TPM1: variants seen among roughly 807,000 people sequenced by gnomAD.
The protein encoded by TPM1 is tropomyosin 1.
Under a neutral mutation model 42.9 loss-of-function variants are expected in TPM1, and 24 were observed. The ratio of observed to expected loss-of-function variants is 0.56; its 90% CI spans 0.41 to 0.79. TPM1 has a LOEUF of 0.79. Among genes scored for constraint, TPM1 ranks in the 30% least tolerant of loss-of-function variants. The pLI, the probability that TPM1 is intolerant of heterozygous loss-of-function variation, is 0.00. For synonymous variants in TPM1, 136 were observed against 130.1 expected (o/e 1.05, Z -0.31); for missense variants, 158 against 351.8 (o/e 0.45, Z 4.41).
At chr15:63,048,597 G>T (rs1182493579) in intron 2 of TPM1, 2 of 1,531,898 alleles carry the variant, frequency 1.3e-6, no homozygotes. Context: ...TAGCTCGCTG[G>T]AGGCGGTGCG....
chr15:63,045,112 T>C (rs896502493), intron 2 of TPM1: 1 of 152,152 alleles, frequency 6.6e-6, no homozygotes, highest in East Asian at 1.9e-4. Context: ...ATTCCAAGAA[T>C]GTGTGAGCAC....
intron 9 of TPM1, chr15:63,065,202 C>A: frequency 1.0e-6 from 1 of 986,086 alleles, no homozygotes; most frequent in South Asian, 4.7e-5. Context: ...TGAGAAGAAC[C>A]TTGAACAGAT....
chr15:63,043,710 AG>A, intron 1 of TPM1: 2 of 1,546,630 alleles, frequency 1.3e-6, no homozygotes, highest in Non-Finnish European at 1.7e-6. Context: ...CCCCAGCTCG[AG>A]GAGGACATCG....
downstream of TPM1, chr15:63,070,749 A>G: frequency 8.8e-7 from 1 of 1,140,420 alleles, no homozygotes; most frequent in South Asian, 2.1e-5. Context: ...CAGTTTGTAT[A>G]ACAGTGCTGC....
At chr15:63,053,220 A>T (rs905791985) in intron 2 of TPM1, among the ~76,000 whole-genome samples, 1 of 152,224 alleles carries the variant, frequency 6.6e-6, no homozygotes, top group African/African-American at 2.4e-5. Context: ...TGTGATAATC[A>T]CTTTAGCAGA....
At chr15:63,044,210 C>T in intron 2 of TPM1, 58 bp downstream of exon 2, 1 of 1,613,572 alleles carries the variant, frequency 6.2e-7, no homozygotes, top group Non-Finnish European at 8.5e-7. Flanking sequence ...ACTCCGGGGT[C>T]ACCACAGGGC....
At chr15:63,068,449 G>A (rs1486457399), downstream of TPM1, among the ~76,000 whole-genome samples, 1 of 152,156 alleles carries the variant, frequency 6.6e-6, no homozygotes, top group Non-Finnish European at 1.5e-5. Context: ...AAAACATAAC[G>A]AGCATAGCAT....
At chr15:63,066,339 G>T (rs2036271671), downstream of TPM1, among the ~76,000 whole-genome samples, 1 of 152,130 alleles carries the variant, frequency 6.6e-6, no homozygotes, top group African/African-American at 2.4e-5. Flanking sequence ...TTAGAATGAG[G>T]TCTGGACATC....
chr15:63,048,829 C>T (rs1252075132), intron 2 of TPM1: 1 of 1,298,756 alleles, frequency 7.7e-7, no homozygotes, highest in Non-Finnish European at 1.1e-6. Context: ...CTCCAGGGCG[C>T]ACCTGGCGCA....
chr15:63,045,471 G>C (rs1290185356), intron 2 of TPM1: 1 of 152,220 alleles, frequency 6.6e-6, no homozygotes, highest in African/African-American at 2.4e-5. Flanking sequence ...ATGCAGATCA[G>C]ATGCCTGCTC....
In TPM1 at chr15:63,048,434, C is replaced by T. The variant is rs1304311857; in HGVS notation, c.240+4282C>T. The T allele has an allele frequency of 3.0e-6, 4 of 1,351,396 alleles. No individual in the cohort carries two copies. The African/African-American group carries it at 4.7e-5, about 16-fold the overall frequency. 83.7% of individuals were successfully genotyped at this position (1,351,396 alleles called of 1,614,324 possible). ...GCGACTTCCGGACTGCTCCTGGCCG[C>T]AGGGGGCGCCGCCATCGCACAGAGA... On this transcript the variant is annotated intron_variant, in intron 2 of 9. Coordinates refer to ENST00000403994, the MANE Select transcript of TPM1 (RefSeq NM_001018005.2).
intron 3 of TPM1, 21 bp downstream of exon 3, chr15:63,057,139 A>G (rs2034932463): frequency 1.2e-6 from 2 of 1,613,650 alleles, no homozygotes; most frequent in African/African-American, 1.3e-5. Context: ...CTCATCAGCC[A>G]TCTTTTGCAG....
At chr15:63,064,261 T>C in intron 9 of TPM1, 119 bp downstream of exon 9, 1 of 1,543,732 alleles carries the variant, frequency 6.5e-7, no homozygotes, top group Non-Finnish European at 8.7e-7. Flanking sequence ...TCACCCTTTT[T>C]GTCATAACCT....
intron 2 of TPM1, chr15:63,048,691 G>A: frequency 1.3e-6 from 2 of 1,538,668 alleles, no homozygotes; most frequent in Non-Finnish European, 1.8e-6. Context: ...GACCACGAGA[G>A]GAAGCTGAGG....
chr15:63,053,761 A>G (rs2034331807), intron 2 of TPM1, among the ~76,000 whole-genome samples: 1 of 142,892 alleles, frequency 7.0e-6, no homozygotes, highest in Admixed American at 7.4e-5. Context: ...GGCTCACTGC[A>G]GTCTCTGCCT....
chr15:63,070,605 CAGAA>C, downstream of TPM1: 2 of 1,005,678 alleles, frequency 2.0e-6, no homozygotes, highest in Non-Finnish European at 1.2e-6. Flanking sequence ...TTATGAGCAA[CAGAA>C]ATAAATCATT....
At chr15:63,052,668 G>A (rs1479659232) in intron 2 of TPM1, among the ~76,000 whole-genome samples, 2 of 152,246 alleles carry the variant, frequency 1.3e-5, no homozygotes, top group Non-Finnish European at 2.9e-5. Flanking sequence ...ATGGTCATGT[G>A]TCTATGGGCT....
At chr15:63,053,689 T>G (rs867216120) in intron 2 of TPM1, among the ~76,000 whole-genome samples, 64 of 83,456 alleles carry the variant, frequency 7.7e-4, no homozygotes, top group Admixed American at 2.9e-3. Context: ...TTTTTTTTTT[T>G]TTTGTTTTTG....
At chr15:63,043,912 C>T (rs2031808297) in intron 1 of TPM1, 115 bp from the exon 2 acceptor site, 1 of 1,553,378 alleles carries the variant, frequency 6.4e-7, no homozygotes, top group Admixed American at 2.0e-5. Context: ...GTCTTTCCCT[C>T]TGTCTCTCCC....
Sources: gnomAD v4.1 joint callset for allele counts (sites outside exome capture counted in the v4.1 genomes callset) on GRCh38, gnomAD v4.1.1 for gene constraint, MANE v1.5 for transcripts, NCBI Gene and HGNC (gene_info 2026-07-23, HGNC 2026-07-21) for gene names.